FHIT: variants seen among roughly 807,000 people sequenced by gnomAD.
The protein encoded by FHIT is bis(5'-adenosyl)-triphosphatase.
Under a neutral mutation model 17.9 loss-of-function variants are expected in FHIT, and 19 were observed. The observed-to-expected ratio is 1.06, with a 90% CI of 0.74 to 1.56. The LOEUF (loss-of-function observed/expected upper bound fraction) is 1.56. Ranked by LOEUF, FHIT falls within the 40% of genes most tolerant of loss-of-function variation. The pLI, the probability that FHIT is intolerant of heterozygous loss-of-function variation, is 0.00. For missense variants in FHIT, 248 were observed against 189.2 expected, an observed-to-expected ratio of 1.31 and a Z score of -1.82; for synonymous variants, 81 against 69.7, an observed-to-expected ratio of 1.16 and a Z score of -0.81.
At chr3:59,998,753 C>T (rs540779103) in intron 7 of FHIT, among the ~76,000 whole-genome samples, 3 of 152,176 alleles carry the variant, frequency 2.0e-5, no homozygotes, top group African/African-American at 7.2e-5. Context: ...CAATGAATAC[C>T]TTCCTGTCCC....
intron 5 of FHIT, among the ~76,000 whole-genome samples, chr3:60,395,614 CT>C (rs1701408948): frequency 6.6e-6 from 1 of 152,050 alleles, no homozygotes. Context: ...CTAATTTGTG[CT>C]TCATGAATAG....
intron 7 of FHIT, among the ~76,000 whole-genome samples, chr3:59,994,841 TC>T (rs1191422158): frequency 6.6e-6 from 1 of 152,058 alleles, no homozygotes; most frequent in East Asian, 1.9e-4. Context: ...TTTTAAGCCC[TC>T]CTTTCACCTT....
intron 5 of FHIT, among the ~76,000 whole-genome samples, chr3:60,524,048 AG>A (rs539579104): frequency 7.8e-4 from 119 of 152,322 alleles, no homozygotes; most frequent in African/African-American, 2.7e-3. Flanking sequence ...ATGGTCAACC[AG>A]GGTCACTCAT....
intron 2 of FHIT, among the ~76,000 whole-genome samples, chr3:61,171,829 C>T (rs10049287): frequency 0.47 from 70,762 of 152,106 alleles, 17,342 homozygotes; most frequent in East Asian, 0.87. Context: ...TACATTGTAC[C>T]AAGATCCCCA....
At chr3:61,042,677 A>G (rs1442936037) in intron 2 of FHIT, among the ~76,000 whole-genome samples, 2 of 151,882 alleles carry the variant, frequency 1.3e-5, no homozygotes, top group African/African-American at 4.8e-5. Context: ...TGTCTCTACT[A>G]AAAATACAAA....
At chr3:61,057,979 T>C (rs546462717) in intron 2 of FHIT, among the ~76,000 whole-genome samples, 6 of 152,078 alleles carry the variant, frequency 3.9e-5, no homozygotes, top group Middle Eastern at 3.4e-3. Flanking sequence ...GCATCTGAAA[T>C]CAAACTGGGT....
intron 1 of FHIT, among the ~76,000 whole-genome samples, chr3:61,234,891 T>C (rs1327798982): frequency 6.6e-6 from 1 of 152,208 alleles, no homozygotes; most frequent in Non-Finnish European, 1.5e-5. Flanking sequence ...CAGAAAATGA[T>C]AAAGAAATTT....
At position 60,991,194 on chromosome 3, in the gene FHIT, G is replaced by T. The variant is rs947227187; in HGVS notation, c.-111+50853C>A. The stretch of plus-strand genomic sequence containing the variant: ...GGAATCAGCCATAAAAAGATCTGGA[G>T]AGGAGCATTCCTGGCAGAAGGAATG... On this transcript the variant is annotated intron_variant, in intron 3 of 9. Coordinates refer to ENST00000492590, the MANE Select transcript of FHIT (RefSeq NM_002012.4). Among the ~76,000 whole-genome samples the T allele has an allele frequency of 3.9e-5, 6 of 152,204 alleles. No individual in the cohort carries two copies. In the East Asian group the frequency reaches 7.7e-4, roughly 20 times the overall value.
At chr3:61,091,801 G>T (rs948684889) in intron 2 of FHIT, among the ~76,000 whole-genome samples, 2 of 151,624 alleles carry the variant, frequency 1.3e-5, no homozygotes, top group Non-Finnish European at 2.9e-5. Flanking sequence ...TTAGCTGGGC[G>T]TAGTGGCACC....
intron 2 of FHIT, among the ~76,000 whole-genome samples, chr3:61,061,739 C>A (rs962518661): frequency 6.6e-6 from 1 of 152,020 alleles, no homozygotes; most frequent in African/African-American, 2.4e-5. Flanking sequence ...CGTTTCCATT[C>A]CAAACTCTCA....
chr3:59,968,289 T>C (rs1708021818), intron 7 of FHIT, among the ~76,000 whole-genome samples: 1 of 152,040 alleles, frequency 6.6e-6, no homozygotes, highest in South Asian at 2.1e-4. Context: ...CGATATGATT[T>C]CACAATATGA....
intron 5 of FHIT, among the ~76,000 whole-genome samples, chr3:60,135,605 A>C (rs1699785070): frequency 6.6e-6 from 1 of 152,076 alleles, no homozygotes; most frequent in Non-Finnish European, 1.5e-5. Flanking sequence ...AACCCGACTG[A>C]CTTATTTGTA....
intron 3 of FHIT, among the ~76,000 whole-genome samples, chr3:60,915,336 T>G (rs1203054368): frequency 6.6e-6 from 1 of 152,144 alleles, no homozygotes; most frequent in Non-Finnish European, 1.5e-5. Context: ...GGCCACACAG[T>G]TCAAAAAATT....
chr3:61,131,468 G>T (rs1018723641), intron 2 of FHIT, among the ~76,000 whole-genome samples: 2 of 152,154 alleles, frequency 1.3e-5, no homozygotes, highest in Admixed American at 6.5e-5. Context: ...GGACTGTCTG[G>T]GCCGAAAGTC....
At chr3:59,910,477 C>G (rs6446089) in intron 8 of FHIT, among the ~76,000 whole-genome samples, 15,929 of 152,156 alleles carry the variant, frequency 0.1, 1,267 homozygotes, top group East Asian at 0.39. Context: ...CATTTCCCCC[C>G]CTTCTCTTTG....
chr3:60,283,082 G>C (rs1017521845), intron 5 of FHIT, among the ~76,000 whole-genome samples: 9 of 152,106 alleles, frequency 5.9e-5, no homozygotes, highest in African/African-American at 2.2e-4. Flanking sequence ...CCTTTGGAGA[G>C]TGCACACTTG....
At chr3:60,295,938 G>A (rs1396472070) in intron 5 of FHIT, among the ~76,000 whole-genome samples, 1 of 152,020 alleles carries the variant, frequency 6.6e-6, no homozygotes, top group Non-Finnish European at 1.5e-5. Flanking sequence ...GGGACCAGGT[G>A]GGAGATAATT....
At chr3:61,054,198 G>A (rs2034132558) in intron 2 of FHIT, among the ~76,000 whole-genome samples, 1 of 152,192 alleles carries the variant, frequency 6.6e-6, no homozygotes, top group Admixed American at 6.5e-5. Flanking sequence ...AGATTATGCA[G>A]TGGATTCAAA....
At chr3:60,633,280 T>C (rs1435694768) in intron 4 of FHIT, among the ~76,000 whole-genome samples, 12 of 152,162 alleles carry the variant, frequency 7.9e-5, no homozygotes, top group South Asian at 4.1e-4. Flanking sequence ...CTGTGTGATA[T>C]TGAGCAAGTG....
Sources: gnomAD v4.1 joint callset for allele counts (sites outside exome capture counted in the v4.1 genomes callset) on GRCh38, gnomAD v4.1.1 for gene constraint, MANE v1.5 for transcripts, NCBI Gene and HGNC (gene_info 2026-07-23, HGNC 2026-07-21) for gene names.